Variants in SYT1 observed in about 807,000 individuals in gnomAD.
SYT1 encodes the protein synaptotagmin-1.
In SYT1, 8 loss-of-function variants were observed where a neutral mutation model predicts 44.8. The observed-to-expected ratio is 0.18, with a 90% confidence interval of 0.10 to 0.32. The LOEUF is 0.32. Among genes scored for constraint, SYT1 ranks in the 10% least tolerant of loss-of-function variants. The pLI is 1.00. For synonymous variants in SYT1, 154 were observed against 188.8 expected (o/e 0.82, Z 1.51); for missense variants, 286 against 509.3 (o/e 0.56, Z 4.22).
intron 9 of SYT1, among the ~76,000 whole-genome samples, chr12:79,406,662 A>G (rs1488915695): frequency 1.3e-5 from 2 of 152,170 alleles, no homozygotes; most frequent in Admixed American, 1.3e-4. Flanking sequence ...CAATTAGCAC[A>G]GGCTTAGAGT....
At chr12:79,304,707 A>G (rs1209897552) in intron 8 of SYT1, among the ~76,000 whole-genome samples, 5 of 152,282 alleles carry the variant, frequency 3.3e-5, no homozygotes, top group East Asian at 3.9e-4. Flanking sequence ...ATGGGAAAGA[A>G]TTAGTTCTAG....
At chr12:79,445,357 G>T (rs1325186496) in intron 10 of SYT1, among the ~76,000 whole-genome samples, 1 of 152,000 alleles carries the variant, frequency 6.6e-6, no homozygotes, top group Non-Finnish European at 1.5e-5. Flanking sequence ...TATATCATAT[G>T]TTATTGTTAA....
rs549146913 is a variant in SYT1, at chr12:79,121,066, A to G, written c.-18+73704A>G. 6.6e-5 allele frequency among the ~76,000 whole-genome samples: 10 copies of G among 151,988 alleles called. No homozygotes were observed. The South Asian group carries it at 2.1e-3, about 32-fold the overall frequency. On this transcript the variant is annotated intron_variant, in intron 3 of 10. Transcript: ENST00000261205. The stretch of plus-strand genomic sequence containing the variant: ...ATATGCATATGTTCATACATCTATC[A>G]CCAATCACATACATATATGTAACCT...
At chr12:79,034,083 G>C (rs1379444589) in intron 2 of SYT1, among the ~76,000 whole-genome samples, 2 of 151,470 alleles carry the variant, frequency 1.3e-5, no homozygotes, top group African/African-American at 2.4e-5. Context: ...ATCATGTGTA[G>C]AGGAAGCTGT....
chr12:79,040,096 T>C (rs941621723), intron 2 of SYT1, among the ~76,000 whole-genome samples: 104 of 152,266 alleles, frequency 6.8e-4, no homozygotes, highest in African/African-American at 2.2e-3. Context: ...GGTGCATGTG[T>C]CTTTATAGCA....
chr12:79,273,527 G>C (rs191603946), intron 4 of SYT1, among the ~76,000 whole-genome samples: 127 of 152,254 alleles, frequency 8.3e-4, no homozygotes, highest in African/African-American at 2.9e-3. Context: ...TCTCCAAAGG[G>C]CAAAAGAGGG....
At chr12:79,349,055 AAGG>A (rs199877622) in intron 8 of SYT1, among the ~76,000 whole-genome samples, 192 of 135,884 alleles carry the variant, frequency 1.4e-3, no homozygotes, top group African/African-American at 5.1e-3. Context: ...GAAAGAAAGA[AAGG>A]AGGGAGGGAG....
At chr12:79,431,359 T>C (rs1869763559) in intron 9 of SYT1, among the ~76,000 whole-genome samples, 1 of 152,132 alleles carries the variant, frequency 6.6e-6, no homozygotes. Flanking sequence ...ATTGTATTTT[T>C]TACTGAGATC....
chr12:79,011,031 A>G (rs1565761222), intron 2 of SYT1, among the ~76,000 whole-genome samples: 1 of 152,182 alleles, frequency 6.6e-6, no homozygotes, highest in Non-Finnish European at 1.5e-5. Flanking sequence ...TATGCCAATC[A>G]TTGTTGAGAA....
intron 3 of SYT1, among the ~76,000 whole-genome samples, chr12:79,078,680 C>T (rs1876825910): frequency 1.3e-5 from 2 of 152,014 alleles, no homozygotes; most frequent in African/African-American, 2.4e-5. Flanking sequence ...CTTCCTGATG[C>T]TCTCCCTCCC....
chr12:78,901,241 A>T (rs1875646525), intron 1 of SYT1, among the ~76,000 whole-genome samples: 1 of 152,158 alleles, frequency 6.6e-6, no homozygotes, highest in Non-Finnish European at 1.5e-5. Context: ...TATTTTCTAA[A>T]AACATTAACT....
intron 8 of SYT1, among the ~76,000 whole-genome samples, chr12:79,327,379 G>T (rs530787739): frequency 1.3e-5 from 2 of 152,084 alleles, no homozygotes; most frequent in Non-Finnish European, 2.9e-5. Context: ...TTCCCTGAAA[G>T]CTATAGGACT....
intron 4 of SYT1, among the ~76,000 whole-genome samples, chr12:79,275,044 A>C (rs1878636651): frequency 1.3e-5 from 2 of 152,160 alleles, no homozygotes; most frequent in Non-Finnish European, 2.9e-5. Context: ...CCAGAGGAGC[A>C]GGAGAATTCA....
chr12:79,367,778 T>G (rs1354548771), intron 9 of SYT1, among the ~76,000 whole-genome samples: 2 of 151,988 alleles, frequency 1.3e-5, no homozygotes, highest in African/African-American at 4.8e-5. Flanking sequence ...ATAGTTCAGT[T>G]AAAGCATATA....
At chr12:78,886,433 C>T (rs1364647622) in intron 1 of SYT1, among the ~76,000 whole-genome samples, 1 of 151,954 alleles carries the variant, frequency 6.6e-6, no homozygotes, top group Non-Finnish European at 1.5e-5. Context: ...ACAGGGATAC[C>T]TACTGTGCTG....
intron 3 of SYT1, among the ~76,000 whole-genome samples, chr12:79,156,350 C>A (rs2138283266): frequency 6.6e-6 from 1 of 152,212 alleles, no homozygotes; most frequent in Non-Finnish European, 1.5e-5. Context: ...ATGTGTGTAA[C>A]CCTTTAAGGT....
intron 1 of SYT1, among the ~76,000 whole-genome samples, chr12:78,927,772 C>T (rs1174047237): frequency 1.3e-5 from 2 of 152,120 alleles, no homozygotes; most frequent in African/African-American, 4.8e-5. Context: ...GCCTTTCTCT[C>T]TTCTGGTTTT....
intron 3 of SYT1, among the ~76,000 whole-genome samples, chr12:79,211,720 T>A (rs1874469378): frequency 6.6e-6 from 1 of 151,824 alleles, no homozygotes; most frequent in African/African-American, 2.4e-5. Context: ...GATAGTTTAC[T>A]GAGAATGATG....
At chr12:79,124,283 T>A (rs1868335263) in intron 3 of SYT1, among the ~76,000 whole-genome samples, 1 of 152,150 alleles carries the variant, frequency 6.6e-6, no homozygotes, top group South Asian at 2.1e-4. Flanking sequence ...AGAACATAGA[T>A]GCCTAGTGTT....
Sources: gnomAD v4.1 joint callset for allele counts (sites outside exome capture counted in the v4.1 genomes callset) on GRCh38, gnomAD v4.1.1 for gene constraint, MANE v1.5 for transcripts, NCBI Gene and HGNC (gene_info 2026-07-23, HGNC 2026-07-21) for gene names.